RAI14: variants seen among roughly 807,000 people sequenced by gnomAD.
RAI14 encodes retinoic acid induced 14, also known as ankycorbin.
A neutral mutation model predicts 115.4 loss-of-function variants in RAI14; 45 were observed. The observed-to-expected ratio is 0.39, with a 90% CI of 0.31 to 0.50. The LOEUF (loss-of-function observed/expected upper bound fraction) is 0.50. RAI14 is among the 20% of genes least tolerant of loss of function. The pLI is 0.85. For missense variants in RAI14, 939 were observed against 1,131.2 expected (o/e 0.83, Z 2.44); for synonymous variants, 371 against 415.4 (o/e 0.89, Z 1.30).
intron 10 of RAI14, among the ~76,000 whole-genome samples, chr5:34,812,873 C>T (rs1755769675): frequency 6.6e-6 from 1 of 152,200 alleles, no homozygotes; most frequent in Admixed American, 6.5e-5. Context: ...TACAGAGCTT[C>T]AGCCAGAAAA....
At chr5:34,677,161 ATTTT>A (rs747450748) in intron 1 of RAI14, among the ~76,000 whole-genome samples, 10 of 83,144 alleles carry the variant, frequency 1.2e-4, no homozygotes, top group African/African-American at 4.6e-4. Flanking sequence ...TGACATTTCT[ATTTT>A]TTTTTTTTTT....
Position 34,822,934 on chromosome 5 carries a change from A to C in RAI14, c.1114-22A>C, listed in dbSNP as rs971080559. ...AATCTCCTGACCTTTGATATCATTT[A>C]ATTCTTGCTTTTTTTTCCTAGGCCA... On this transcript the variant is annotated intron_variant, in intron 14 of 17. Coordinates refer to ENST00000265109, the MANE Select transcript of RAI14 (RefSeq NM_015577.3). 7 of 1,574,220 alleles carry C rather than the reference A, an allele frequency of 4.4e-6. No homozygotes were observed. In the African/African-American group the frequency reaches 9.5e-5, roughly 21 times the overall value.
At chr5:34,754,932 G>C (rs1408633631) in intron 2 of RAI14, among the ~76,000 whole-genome samples, 2 of 152,110 alleles carry the variant, frequency 1.3e-5, no homozygotes, top group African/African-American at 2.4e-5. Flanking sequence ...TCCTTTGCTT[G>C]AATACTTTCA....
At chr5:34,744,761 C>T (rs60557609) in intron 2 of RAI14, among the ~76,000 whole-genome samples, 1 of 152,120 alleles carries the variant, frequency 6.6e-6, no homozygotes, top group Non-Finnish European at 1.5e-5. Flanking sequence ...ACCGCTGTAA[C>T]AAATGACCAC....
intron 4 of RAI14, among the ~76,000 whole-genome samples, chr5:34,798,621 C>T (rs939516930): frequency 2.6e-5 from 4 of 152,172 alleles, no homozygotes; most frequent in Non-Finnish European, 5.9e-5. Flanking sequence ...TTGGTGGCCT[C>T]ATAACACCCT....
At chr5:34,723,022 A>G (rs1186420572) in intron 2 of RAI14, among the ~76,000 whole-genome samples, 4 of 148,694 alleles carry the variant, frequency 2.7e-5, no homozygotes, top group African/African-American at 9.9e-5. Context: ...ATCGCTTGAA[A>G]CTGGGAGGCA....
intron 2 of RAI14, among the ~76,000 whole-genome samples, chr5:34,739,869 C>T (rs1200923593): frequency 2.6e-5 from 4 of 152,084 alleles, no homozygotes; most frequent in Admixed American, 2.6e-4. Flanking sequence ...CAAGACCAGC[C>T]TGACCAACAT....
At chr5:34,829,162 T>TAC (rs941790679) in intron 16 of RAI14, among the ~76,000 whole-genome samples, 26 of 129,832 alleles carry the variant, frequency 2.0e-4, no homozygotes, top group Non-Finnish European at 2.8e-4. Context: ...TAGACACACA[T>TAC]ACACACACAC....
intron 3 of RAI14, among the ~76,000 whole-genome samples, chr5:34,777,522 G>A (rs532718686): frequency 6.4e-4 from 98 of 152,276 alleles, no homozygotes; most frequent in African/African-American, 2.2e-3. Flanking sequence ...GCTCACACCT[G>A]TAATCCCAAC....
intron 2 of RAI14, among the ~76,000 whole-genome samples, chr5:34,688,758 G>C (rs1738193200): frequency 6.6e-6 from 1 of 151,620 alleles, no homozygotes; most frequent in South Asian, 2.1e-4. Flanking sequence ...GCTAAATGGA[G>C]GGAATAAAAA....
Position 34,813,577 on chromosome 5 carries a change from G to T in RAI14, c.769G>T (p.Asp257Tyr). The T allele has an allele frequency of 1.2e-6, 2 of 1,611,618 alleles. No homozygotes were observed. The highest frequency in any genetic ancestry group is 2.2e-5 in the South Asian group (2 of 90,758). Residue 257 changes from aspartate (D) to tyrosine (Y), a missense_variant, in exon 11 of 18, where the codon GAC (aspartate) becomes TAC (tyrosine). Physicochemically the swap from Asp to Tyr is radical, Grantham distance 160. Transcript: ENST00000265109. ...LKTPTKPKQH[D>Y]QVSKISSERS... The stretch of plus-strand genomic sequence containing the variant: ...TTTGGACTGTGATAACTTTCAGCAT[G>T]ACCAAGTCTCTAAAATAAGCTCAGA...
At chr5:34,797,222 A>G (rs1183059257) in intron 4 of RAI14, among the ~76,000 whole-genome samples, 8 of 152,148 alleles carry the variant, frequency 5.3e-5, no homozygotes, top group Admixed American at 5.2e-4. Context: ...CATTGCCTTT[A>G]TCTAGGCTTT....
At position 34,757,587 on chromosome 5, in the gene RAI14, G is replaced by A. The variant is rs542201200; in HGVS notation, c.156G>A (p.Glu52=). 57 of 1,611,130 alleles carry A rather than the reference G, an allele frequency of 3.5e-5. No individual in the cohort carries two copies. Among genetic ancestry groups the A allele is most frequent in the Non-Finnish European group, 4.8e-5 (56 of 1,178,762 alleles). ...KGASATKHDS[E]GKTAFHLAAA... ...CCAGTGCCACCAAACACGACAGTGA[G>A]GGCAAGACCGCGTAAGCTGAAACAC... The change falls in exon 3 of 18, where the codon GAG becomes GAA. Residue 52 remains glutamate, a synonymous_variant. Transcript: ENST00000265109.
At chr5:34,826,510 G>T (rs751488993) in intron 16 of RAI14, 31 bp downstream of exon 16, 2 of 1,602,506 alleles carry the variant, frequency 1.2e-6, no homozygotes, top group Non-Finnish European at 1.7e-6. Context: ...TGCCTGGTTT[G>T]GGGTGGAGGG....
chr5:34,665,493 CTTTTTTTTTTT>C (rs761118730), intron 1 of RAI14, among the ~76,000 whole-genome samples: 1 of 134,660 alleles, frequency 7.4e-6, no homozygotes, highest in South Asian at 2.4e-4. Flanking sequence ...ATTTTTTTTT[CTTTTTTTTTTT>C]TTTTCTCTAA....
intron 1 of RAI14, among the ~76,000 whole-genome samples, chr5:34,681,213 A>G (rs1418793925): frequency 6.6e-6 from 1 of 152,344 alleles, no homozygotes; most frequent in Non-Finnish European, 1.5e-5. Flanking sequence ...TTGAATGTTT[A>G]TATAGCTTTG....
rs1384233800 is a variant in RAI14 at position 34,739,529 on chromosome 5, TAAC to T, written c.37-17937_37-17935del. ...TGTCAAGATGAAACTGTCAAGATAA[TAAC>T]ATTCAAATAGTTGCAATGGAGACAT... On this transcript the variant is annotated intron_variant, in intron 2 of 17. Coordinates refer to ENST00000265109, the MANE Select transcript of RAI14 (RefSeq NM_015577.3). 2.6e-5 allele frequency among the ~76,000 whole-genome samples: 4 copies of T among 152,288 alleles called. No homozygotes were observed. The East Asian group carries it at 7.7e-4, about 29-fold the overall frequency.
chr5:34,675,715 C>T (rs1743931103), intron 1 of RAI14, among the ~76,000 whole-genome samples: 2 of 151,076 alleles, frequency 1.3e-5, no homozygotes, highest in African/African-American at 4.9e-5. Flanking sequence ...GGTGCCACTA[C>T]ACTCCAGCCT....
intron 3 of RAI14, among the ~76,000 whole-genome samples, chr5:34,785,505 C>G (rs1175329319): frequency 6.6e-6 from 1 of 151,978 alleles, no homozygotes; most frequent in African/African-American, 2.4e-5. Flanking sequence ...TCCATTGGGC[C>G]CTTCACAGTG....
Sources: gnomAD v4.1 joint callset for allele counts (sites outside exome capture counted in the v4.1 genomes callset) on GRCh38, gnomAD v4.1.1 for gene constraint, MANE v1.5 for transcripts, NCBI Gene and HGNC (gene_info 2026-07-23, HGNC 2026-07-21) for gene names.